Variants in PDZRN3 observed in about 807,000 individuals in gnomAD.
The protein encoded by PDZRN3 is E3 ubiquitin-protein ligase PDZRN3.
Under a neutral mutation model 85.7 loss-of-function variants are expected in PDZRN3, and 38 were observed. The ratio of observed to expected loss-of-function variants is 0.44; its 90% CI spans 0.34 to 0.58. The LOEUF (loss-of-function observed/expected upper bound fraction) is 0.58, where lower values mean the gene tolerates loss of function less well. PDZRN3 is among the 20% of genes least tolerant of loss of function. The pLI is 0.01. For missense variants in PDZRN3, 1,629 were observed against 1,506.4 expected (o/e 1.08, Z -1.35); for synonymous variants, 759 against 638.0 (o/e 1.19, Z -2.86).
At chr3:73,551,694 AAAAAAAAAAAAAAAG>A (rs1317455721) in intron 3 of PDZRN3, among the ~76,000 whole-genome samples, 19 of 148,030 alleles carry the variant, frequency 1.3e-4, no homozygotes, top group Non-Finnish European at 8.9e-5. Context: ...GTTTCAAAAA[AAAAAAAAAAAAAAAG>A]GAAAAAAAGA....
intron 3 of PDZRN3, among the ~76,000 whole-genome samples, chr3:73,546,850 T>C (rs917130443): frequency 6.6e-6 from 1 of 152,196 alleles, no homozygotes; most frequent in Admixed American, 6.5e-5. Context: ...AATTTGTAAG[T>C]GAGCGGATGA....
At chr3:73,438,736 A>G (rs562362343) in intron 3 of PDZRN3, among the ~76,000 whole-genome samples, 1 of 152,284 alleles carries the variant, frequency 6.6e-6, no homozygotes, top group East Asian at 1.9e-4. Context: ...CTCTCCCTTC[A>G]GTTACTACTG....
At chr3:73,399,622 A>G (rs554540720) in intron 5 of PDZRN3, among the ~76,000 whole-genome samples, 12 of 152,330 alleles carry the variant, frequency 7.9e-5, no homozygotes, top group African/African-American at 2.6e-4. Flanking sequence ...AGGACACTAA[A>G]TAAGAGGCAG....
chr3:73,615,566 C>T (rs74868125), intron 1 of PDZRN3, among the ~76,000 whole-genome samples: 17,567 of 152,174 alleles, frequency 0.12, 1,126 homozygotes, highest in East Asian at 0.18. Context: ...GAGAGAAACC[C>T]TCACCCTTTC....
chr3:73,601,565 T>C (rs1466412554), intron 3 of PDZRN3, among the ~76,000 whole-genome samples: 1 of 152,156 alleles, frequency 6.6e-6, no homozygotes. Flanking sequence ...CAAAGAGCTA[T>C]GAAAATGGTC....
intron 3 of PDZRN3, among the ~76,000 whole-genome samples, chr3:73,442,242 A>G (rs987979249): frequency 1.3e-5 from 2 of 152,192 alleles, no homozygotes; most frequent in Non-Finnish European, 2.9e-5. Context: ...GTAGAAACCA[A>G]TGGAGATGCA....
At chr3:73,619,596 T>C (rs562409350) in intron 1 of PDZRN3, among the ~76,000 whole-genome samples, 2 of 152,226 alleles carry the variant, frequency 1.3e-5, no homozygotes, top group South Asian at 2.1e-4. Flanking sequence ...CTTGGTAAGA[T>C]TGTTCCAGGT....
chr3:73,389,422 T>G (rs1481335093), intron 7 of PDZRN3, among the ~76,000 whole-genome samples: 1 of 152,232 alleles, frequency 6.6e-6, no homozygotes, highest in African/African-American at 2.4e-5. Context: ...TCTGAAATGC[T>G]TGGTCCAAAG....
intron 3 of PDZRN3, among the ~76,000 whole-genome samples, chr3:73,536,942 A>G (rs535385019): frequency 3.3e-5 from 5 of 152,190 alleles, no homozygotes; most frequent in African/African-American, 1.2e-4. Context: ...CCCACTGGAG[A>G]GGCCTCCTAT....
At chr3:73,551,948 T>C (rs1047746222) in intron 3 of PDZRN3, among the ~76,000 whole-genome samples, 20 of 152,188 alleles carry the variant, frequency 1.3e-4, no homozygotes, top group African/African-American at 4.6e-4. Flanking sequence ...TAATTCTCAA[T>C]GCCACACTGC....
intron 3 of PDZRN3, among the ~76,000 whole-genome samples, chr3:73,513,419 G>A (rs1704202750): frequency 6.6e-6 from 1 of 152,164 alleles, no homozygotes; most frequent in South Asian, 2.1e-4. Flanking sequence ...GGTCGTTAGA[G>A]GTAATGATAA....
intron 1 of PDZRN3, among the ~76,000 whole-genome samples, chr3:73,610,256 A>G (rs1702662817): frequency 6.6e-6 from 1 of 152,222 alleles, no homozygotes; most frequent in South Asian, 2.1e-4. Context: ...TATATAAAAT[A>G]CAGAATTATA....
At chr3:73,548,373 A>G (rs2106797942) in intron 3 of PDZRN3, among the ~76,000 whole-genome samples, 1 of 152,332 alleles carries the variant, frequency 6.6e-6, no homozygotes, top group South Asian at 2.1e-4. Flanking sequence ...ATTTCCCCAG[A>G]TTCCACTAAA....
intron 3 of PDZRN3, among the ~76,000 whole-genome samples, chr3:73,573,834 C>CCT (rs752470004): frequency 8.0e-4 from 121 of 151,724 alleles, no homozygotes; most frequent in Non-Finnish European, 1.4e-3. Flanking sequence ...TATACATATA[C>CCT]ATATACATAT....
chr3:73,535,808 C>T lies in PDZRN3; in HGVS notation c.918+66546G>A, dbSNP rs375344430. On this transcript the variant is annotated intron_variant, in intron 3 of 9. Coordinates refer to ENST00000263666, the MANE Select transcript of PDZRN3 (RefSeq NM_015009.3). Reference sequence around the variant, plus strand: ...ACACCTTGAAGGTGATTGTAGAATACCATTTATTACGCACCCACATGCATG... The same window carrying T: ...ACACCTTGAAGGTGATTGTAGAATATCATTTATTACGCACCCACATGCATG... Among the ~76,000 whole-genome samples the T allele has an allele frequency of 8.5e-5, 13 of 152,244 alleles. No homozygotes were observed. The South Asian group carries it at 2.5e-3, about 29-fold the overall frequency.
chr3:73,426,407 A>C (rs1702316070), intron 3 of PDZRN3, among the ~76,000 whole-genome samples: 3 of 152,118 alleles, frequency 2.0e-5, no homozygotes, highest in Admixed American at 1.3e-4. Context: ...TGTATCTGAA[A>C]ATTTTATATA....
chr3:73,486,189 G>C (rs1703657787), intron 3 of PDZRN3, among the ~76,000 whole-genome samples: 1 of 152,230 alleles, frequency 6.6e-6, no homozygotes, highest in African/African-American at 2.4e-5. Context: ...TGGGGGCTGG[G>C]AGATGCCAGT....
At chr3:73,569,198 G>A (rs923072766) in intron 3 of PDZRN3, 38 of 1,289,178 alleles carry the variant, frequency 2.9e-5, no homozygotes, top group Non-Finnish European at 3.6e-5. Context: ...TCATCAGGAG[G>A]AATCAGATTT....
At chr3:73,503,999 T>C (rs142916692) in intron 3 of PDZRN3, among the ~76,000 whole-genome samples, 1,953 of 152,306 alleles carry the variant, frequency 0.013, 21 homozygotes, top group Non-Finnish European at 0.02. Flanking sequence ...CTGTAGAGAA[T>C]AGAGTTGAAC....
Sources: allele counts gnomAD v4.1 joint callset (sites outside exome capture counted in the v4.1 genomes callset), GRCh38; gene constraint gnomAD v4.1.1; transcripts MANE v1.5; gene names NCBI Gene and HGNC (gene_info 2026-07-23, HGNC 2026-07-21).